Variants in GRIN2B observed in about 807,000 individuals in gnomAD.
GRIN2B encodes the protein glutamate ionotropic receptor NMDA type subunit 2B, also known as glutamate receptor ionotropic, NMDA 2B.
A neutral mutation model predicts 114.5 loss-of-function variants in GRIN2B; 5 were observed. The observed-to-expected ratio is 0.04, with a 90% CI of 0.02 to 0.09. The LOEUF (loss-of-function observed/expected upper bound fraction) is 0.09, where lower values mean the gene tolerates loss of function less well. Ranked by LOEUF, GRIN2B falls within the 10% of genes least tolerant of loss-of-function variation. The pLI, the probability that GRIN2B is intolerant of heterozygous loss-of-function variation, is 1.00. For synonymous variants in GRIN2B, 787 were observed against 745.1 expected, an observed-to-expected ratio of 1.06 and a Z score of -0.92; for missense variants, 1,108 against 1,943.5, an observed-to-expected ratio of 0.57 and a Z score of 8.08.
chr12:13,691,489 C>T (rs12321321), intron 4 of GRIN2B, among the ~76,000 whole-genome samples: 21,602 of 152,232 alleles, frequency 0.14, 1,983 homozygotes, highest in Middle Eastern at 0.21. Flanking sequence ...TGAATTCCCT[C>T]AAATTCTTGG....
At chr12:13,917,764 G>A (rs138291245) in intron 2 of GRIN2B, among the ~76,000 whole-genome samples, 2,025 of 152,300 alleles carry the variant, frequency 0.013, 23 homozygotes, top group Middle Eastern at 0.031. Context: ...ATTTTTGGAT[G>A]AAAAACATTT....
chr12:13,880,877 A>G (rs1440556194), intron 2 of GRIN2B, among the ~76,000 whole-genome samples: 2 of 151,630 alleles, frequency 1.3e-5, no homozygotes, highest in Non-Finnish European at 2.9e-5. Context: ...TACTGTGTTC[A>G]CTCTCATGCT....
At chr12:13,896,415 T>C (rs550187542) in intron 2 of GRIN2B, among the ~76,000 whole-genome samples, 176 of 152,300 alleles carry the variant, frequency 1.2e-3, no homozygotes, top group Middle Eastern at 3.4e-3. Flanking sequence ...GGTTAGTCCT[T>C]CAGAAGGTCT....
In GRIN2B at chr12:13,608,861, G is replaced by A. The variant is rs751956072; in HGVS notation, c.1781-29C>T. 9.7e-6 allele frequency: 15 copies of A among 1,540,074 alleles called. 1 individual carries two copies. In the Admixed American group the frequency reaches 1.7e-4, roughly 17 times the overall value. ...GCATGACAAAAAGACAAGGACGAAA[G>A]TTAAGCCATTGTGGCTGGTTCTGTT... On this transcript the variant is annotated intron_variant, in intron 9 of 13. Transcript: ENST00000609686.
intron 2 of GRIN2B, among the ~76,000 whole-genome samples, chr12:13,947,772 C>T (rs559954822): frequency 2.0e-5 from 3 of 152,236 alleles, no homozygotes; most frequent in East Asian, 1.9e-4. Context: ...AGTGATGACA[C>T]GAAGCTATCA....
At position 13,541,653 on chromosome 12, in the gene GRIN2B, G is replaced by A. The variant is rs2136378428; in HGVS notation, c.*21130C>T. On this transcript the variant is annotated 3_prime_UTR_variant, in exon 14 of 14. Coordinates refer to ENST00000609686, the MANE Select transcript of GRIN2B (RefSeq NM_000834.5). ...AGATGAACATAATTTAATCTTTTGG[G>A]GGAAAACGGCTGGCAGGATATGACC... is the stretch of plus-strand genomic sequence containing the variant. 1.3e-5 allele frequency: 2 copies of A among 152,322 alleles called. No individual in the cohort carries two copies. The highest frequency in any genetic ancestry group is 3.9e-4 in the East Asian group (2 of 5,180). The allele number at this position is 152,322 out of a possible 1,614,324, so 9.4% of individuals were successfully genotyped here.
chr12:13,859,403 C>G (rs1028620619), intron 3 of GRIN2B, among the ~76,000 whole-genome samples: 10 of 152,206 alleles, frequency 6.6e-5, no homozygotes, highest in Non-Finnish European at 1.2e-4. Context: ...AAAATCCTAG[C>G]TCCAATTTTT....
chr12:13,615,037 C>T lies in GRIN2B; in HGVS notation c.1654+77G>A. 7.7e-7 allele frequency: 1 copy of T among 1,303,876 alleles called. No individual in the cohort carries two copies. The highest frequency in any genetic ancestry group is 1.2e-5 in the South Asian group (1 of 84,458). The allele number at this position is 1,303,876 out of a possible 1,614,324, so 80.8% of individuals were successfully genotyped here. ...CCACCTTCTAGCTGGAACAGCCTGG[C>T]CATGTGCTCCTTTTTTCCTTATTTC... On this transcript the variant is annotated intron_variant, in intron 8 of 13. Coordinates refer to ENST00000609686, the MANE Select transcript of GRIN2B (RefSeq NM_000834.5). This position sits in a 1 kb window ranked among gnomAD's most constrained non-coding sequence, Gnocchi z 5.8.
intron 5 of GRIN2B, among the ~76,000 whole-genome samples, chr12:13,657,583 A>T (rs1949878632): frequency 6.6e-6 from 1 of 152,212 alleles, no homozygotes. Flanking sequence ...TGCAGAAGGC[A>T]AAGCCAACAA....
chr12:13,916,755 G>GTGTA (rs1866737334), intron 2 of GRIN2B, among the ~76,000 whole-genome samples: 1 of 149,182 alleles, frequency 6.7e-6, no homozygotes, highest in African/African-American at 2.5e-5. Context: ...GTGTGTGTGT[G>GTGTA]TGTGTATTTT....
chr12:13,721,264 G>C (rs1379545739), intron 4 of GRIN2B, among the ~76,000 whole-genome samples: 2 of 152,018 alleles, frequency 1.3e-5, no homozygotes, highest in Non-Finnish European at 2.9e-5. Flanking sequence ...AAGGGGAATA[G>C]AAAAAGTAAG....
chr12:13,821,289 A>G (rs1864931409), intron 3 of GRIN2B, among the ~76,000 whole-genome samples: 1 of 152,188 alleles, frequency 6.6e-6, no homozygotes, highest in Non-Finnish European at 1.5e-5. Context: ...TCTGAAACCA[A>G]GCAATAGAGT....
Position 13,547,981 on chromosome 12 carries a change from A to ATATATATATATATATTT in GRIN2B, c.*14801_*14802insAAATATATATATATATA. ...TGTGTATATATATATATATATATAT[A>ATATATATATATATATTT]TTTTTTTTTTTTTTCTGAAAGCTAC... On this transcript the variant is annotated 3_prime_UTR_variant, in exon 14 of 14. Coordinates refer to ENST00000609686, the MANE Select transcript of GRIN2B (RefSeq NM_000834.5). 2.9e-5 allele frequency: 2 copies of ATATATATATATATATTT among 68,582 alleles called. No homozygotes were observed. Among genetic ancestry groups the ATATATATATATATATTT allele is most frequent in the African/African-American group, 4.6e-5 (1 of 21,782 alleles). 4.2% of individuals were successfully genotyped at this position (68,582 alleles called of 1,614,324 possible).
intron 2 of GRIN2B, among the ~76,000 whole-genome samples, chr12:13,970,824 C>A (rs1565605035): frequency 6.6e-6 from 1 of 152,066 alleles, no homozygotes; most frequent in Non-Finnish European, 1.5e-5. Context: ...GGTAGAATTT[C>A]TTCTGCAGTC....
intron 3 of GRIN2B, among the ~76,000 whole-genome samples, chr12:13,755,210 G>T (rs1863556131): frequency 6.6e-6 from 1 of 152,132 alleles, no homozygotes. Context: ...TTACATAGTG[G>T]TTTCTTAGTT....
intron 2 of GRIN2B, among the ~76,000 whole-genome samples, chr12:13,902,317 G>A (rs184418401): frequency 2.0e-5 from 3 of 151,832 alleles, no homozygotes; most frequent in Non-Finnish European, 4.4e-5. Context: ...ATCTTACATC[G>A]TTTAGGGGGC....
chr12:13,663,024 C>G (rs1949939319), intron 5 of GRIN2B, among the ~76,000 whole-genome samples: 1 of 152,138 alleles, frequency 6.6e-6, no homozygotes, highest in South Asian at 2.1e-4. Flanking sequence ...TGGGCCTCAT[C>G]CCTAGAGCTT....
intron 2 of GRIN2B, among the ~76,000 whole-genome samples, chr12:13,974,007 G>C (rs540154733): frequency 6.6e-6 from 1 of 152,248 alleles, no homozygotes; most frequent in South Asian, 2.1e-4. Flanking sequence ...ACTCTAAATA[G>C]ACTACCAAAA....
intron 5 of GRIN2B, among the ~76,000 whole-genome samples, chr12:13,635,359 C>T (rs1240993012): frequency 6.6e-6 from 1 of 152,146 alleles, no homozygotes; most frequent in African/African-American, 2.4e-5. Context: ...TTAAATGCTC[C>T]TCTGGGTGAA....
Sources: allele counts gnomAD v4.1 joint callset (sites outside exome capture counted in the v4.1 genomes callset), GRCh38; gene constraint gnomAD v4.1.1; non-coding constraint Gnocchi (gnomAD v3.1); transcripts MANE v1.5; gene names NCBI Gene and HGNC (gene_info 2026-07-23, HGNC 2026-07-21).